The following DNAH2 variants were observed in gnomAD, a reference collection of about 807,000 sequenced individuals.
The protein encoded by DNAH2 is dynein axonemal heavy chain 2.
Under a neutral mutation model 523.5 loss-of-function variants are expected in DNAH2, and 323 were observed. The observed-to-expected ratio is 0.62, with a 90% CI of 0.56 to 0.68. DNAH2 has a LOEUF of 0.68. Ranked by LOEUF, DNAH2 falls within the 30% of genes least tolerant of loss-of-function variation. The pLI is 0.00. For missense variants in DNAH2, 4,907 were observed against 5,701.5 expected (o/e 0.86, Z 4.49); for synonymous variants, 2,093 against 2,177.4 (o/e 0.96, Z 1.08).
chr17:7,778,292 A>T lies in DNAH2; in HGVS notation c.5364A>T (p.Thr1788=). The change falls in exon 35 of 86, where the codon ACA becomes ACT. Residue 1788 remains threonine (T), a synonymous_variant. Coordinates refer to ENST00000572933, the MANE Select transcript of DNAH2 (RefSeq NM_020877.5). The part of the protein sequence containing the change: ...ITPLTDRCYM[T]LTTALHLHRG... ...CCTCAATTCTCAGGTGTTACATGAC[A>T]CTGACCACGGCATTGCACCTGCACC... The T allele has an allele frequency of 6.2e-7, 1 of 1,614,146 alleles. No individual in the cohort carries two copies. Among genetic ancestry groups the T allele is most frequent in the Non-Finnish European group, 8.5e-7 (1 of 1,180,012 alleles).
Position 7,771,457 on chromosome 17 carries a change from C to T in DNAH2, c.4490C>T (p.Thr1497Ile). 1 of 1,613,938 alleles carries T rather than the reference C, an allele frequency of 6.2e-7. No individual in the cohort carries two copies. Among genetic ancestry groups the T allele is most frequent in the Non-Finnish European group, 8.5e-7 (1 of 1,179,874 alleles). The change falls in exon 28 of 86, where the codon ACC (threonine) becomes ATC (isoleucine). Residue 1497 changes from threonine (T) to isoleucine (I), a missense_variant. Physicochemically the swap from Thr to Ile is moderately conservative, Grantham distance 89 (BLOSUM62 -1). Around this residue, in one of 3 missense-constraint regions of DNAH2, gnomAD observed 2,806 missense variants for 3,190.8 expected, o/e 0.88. Coordinates refer to ENST00000572933, the MANE Select transcript of DNAH2 (RefSeq NM_020877.5). The part of the protein sequence containing the change: ...MNKDNNALRS[T>I]HHPGLLDTLI... Reference sequence around the variant, plus strand: ...AAGGACAACAATGCTCTCCGGAGCACCCATCACCCAGGTCAGAGCTCCAGG... The same window carrying T: ...AAGGACAACAATGCTCTCCGGAGCATCCATCACCCAGGTCAGAGCTCCAGG...
chr17:7,830,446 G>C lies in DNAH2; in HGVS notation c.12000G>C (p.Gln4000His). 6.2e-7 allele frequency: 1 copy of C among 1,614,214 alleles called. No individual in the cohort carries two copies. Among genetic ancestry groups the C allele is most frequent in the Non-Finnish European group, 8.5e-7 (1 of 1,180,050 alleles). The change falls in exon 78 of 86, where the codon CAG (glutamine) becomes CAC (histidine). Residue 4000 changes from glutamine (Q) to histidine (H), a missense_variant. Physicochemically the swap from Gln to His is conservative, Grantham distance 24. Transcript: ENST00000572933. ...SVLLERKKFL[Q>H]LGWNIIYGFN... ...TACTTGAACGCAAAAAGTTCCTGCA[G>C]CTTGGCTGGAACATCATCTATGGCT...
chr17:7,754,966 G>GAA lies in DNAH2; in HGVS notation c.1905-2111_1905-2110dup, dbSNP rs796439698. 892 of 275,296 alleles carry GAA rather than the reference G, an allele frequency of 3.2e-3. No homozygotes were observed. The highest frequency in any genetic ancestry group is 3.7e-3 in the Non-Finnish European group (578 of 154,808). The allele number at this position is 275,296 out of a possible 1,614,324, so 17.1% of individuals were successfully genotyped here. On this transcript the variant is annotated intron_variant, in intron 12 of 85. Coordinates refer to ENST00000572933, the MANE Select transcript of DNAH2 (RefSeq NM_020877.5). This position sits in a 1 kb window ranked among gnomAD's most constrained non-coding sequence, Gnocchi z 4.6. ...TATTGGTACAAATAAGCCTGAGGCA[G>GAA]AAAAAAAAAAAAAAAGAATAGGCAG...
chr17:7,750,756 A>G (rs1172014707), intron 12 of DNAH2, among the ~76,000 whole-genome samples: 2 of 152,130 alleles, frequency 1.3e-5, no homozygotes, highest in Non-Finnish European at 2.9e-5. Flanking sequence ...GTTAGTGGAG[A>G]TCTTCAGGGT....
chr17:7,780,370 A>G lies in DNAH2; in HGVS notation c.5850+86A>G, dbSNP rs751258387. 6.2e-5 allele frequency: 98 copies of G among 1,583,818 alleles called. No individual in the cohort carries two copies. The highest frequency in any genetic ancestry group is 8.1e-5 in the Non-Finnish European group (94 of 1,160,896). ...CAGAGGAGCTCCCCAAGGGCCTCAC[A>G]ATCAGCTTATCCTCTAAGGAACTTA... is the stretch of plus-strand genomic sequence containing the variant. On this transcript the variant is annotated intron_variant, in intron 37 of 85. Transcript: ENST00000572933. The surrounding 1 kb of genome is among the most constrained non-coding windows in gnomAD (Gnocchi z 4.4).
rs775779744 is a variant in DNAH2, at chr17:7,786,225, C to T, written c.6231C>T (p.Arg2077=). ...VFQLYETKNS[R]HSTMIVGCTG... ...AGTTGTATGAAACCAAGAACTCCCG[C>T]CACTCCACCATGATCGTGGGCTGCA... Residue 2077 remains arginine (R), a synonymous_variant, in exon 40 of 86, where the codon CGC becomes CGT. Transcript: ENST00000572933. The surrounding 1 kb of genome is among the most constrained non-coding windows in gnomAD (Gnocchi z 7.5). 11 of 1,614,146 alleles carry T rather than the reference C, an allele frequency of 6.8e-6. No individual in the cohort carries two copies. Among genetic ancestry groups the T allele is most frequent in the Non-Finnish European group, 8.5e-6 (10 of 1,180,030 alleles).
In DNAH2 at chr17:7,759,100, G is replaced by A. The variant is rs776266277; in HGVS notation, c.2424G>A (p.Glu808=). The change falls in exon 15 of 86, where the codon GAG becomes GAA. Residue 808 remains glutamate, a synonymous_variant. Coordinates refer to ENST00000572933, the MANE Select transcript of DNAH2 (RefSeq NM_020877.5). ...TGACCATCATGACCAACTCCTATGAGGTCTTCAAGAATGATGGTCCTGAGG... is the reference window on the plus strand; with the variant it reads ...TGACCATCATGACCAACTCCTATGAAGTCTTCAAGAATGATGGTCCTGAGG... ...DVVTIMTNSY[E]VFKNDGPEIQ... is the part of the protein sequence containing the mutation. 1.9e-5 allele frequency: 30 copies of A among 1,614,004 alleles called. No individual in the cohort carries two copies. The highest frequency in any genetic ancestry group is 2.5e-5 in the Non-Finnish European group (30 of 1,180,038).
chr17:7,833,294 C>A, intron 85 of DNAH2, 73 bp downstream of exon 85: 1 of 1,607,220 alleles, frequency 6.2e-7, no homozygotes, highest in Non-Finnish European at 8.5e-7. Flanking sequence ...TCTGCTCCAG[C>A]CCATCCCACA....
At chr17:7,755,160 GA>G (rs1207247038) in intron 12 of DNAH2, among the ~76,000 whole-genome samples, 1 of 152,232 alleles carries the variant, frequency 6.6e-6, no homozygotes, top group Non-Finnish European at 1.5e-5. Context: ...GCTTTCTGCA[GA>G]GAGGGCAACA....
In DNAH2 at chr17:7,824,527, C is replaced by T. The variant is rs762792846; in HGVS notation, c.11663-10C>T. ...AAATGATTCCCACTGACCCTGGCATCTCCTTGCAGGACACTGGGTGTTCCT... is the reference window on the plus strand; with the variant it reads ...AAATGATTCCCACTGACCCTGGCATTTCCTTGCAGGACACTGGGTGTTCCT... On this transcript the variant is annotated splice_polypyrimidine_tract_variant and intron_variant, in intron 76 of 85. Coordinates refer to ENST00000572933, the MANE Select transcript of DNAH2 (RefSeq NM_020877.5). 1.3e-6 allele frequency: 2 copies of T among 1,532,954 alleles called. No homozygotes were observed. Among genetic ancestry groups the T allele is most frequent in the East Asian group, 4.8e-5 (2 of 41,498 alleles). The allele number at this position is 1,532,954 out of a possible 1,614,324, so 95.0% of individuals were successfully genotyped here. A position where few individuals can be genotyped will look rare whatever the true frequency, so the allele number is the denominator to read the frequency against.
At chr17:7,758,755 T>C in intron 14 of DNAH2, 104 bp downstream of exon 14, 1 of 1,557,070 alleles carries the variant, frequency 6.4e-7, no homozygotes. Context: ...GTAAAAAGAA[T>C]TAAGTTTGCT....
intron 61 of DNAH2, 147 bp downstream of exon 61, chr17:7,805,540 A>G (rs2151300656): frequency 8.1e-7 from 1 of 1,229,272 alleles, no homozygotes; most frequent in Admixed American, 2.5e-5. Context: ...AGGAGACCGC[A>G]TGAATATCAG....
intron 63 of DNAH2, among the ~76,000 whole-genome samples, chr17:7,815,313 T>C (rs916672484): frequency 6.6e-6 from 1 of 152,242 alleles, no homozygotes; most frequent in African/African-American, 2.4e-5. Flanking sequence ...ACTTCTACTT[T>C]CTAGTAGTGG....
At position 7,780,115 on chromosome 17, in the gene DNAH2, T is replaced by C. The variant is rs201085180; in HGVS notation, c.5723-42T>C. 449 of 1,580,560 alleles carry C rather than the reference T, an allele frequency of 2.8e-4. 2 individuals carry two copies. In the African/African-American group the frequency reaches 5.4e-3, roughly 19 times the overall value. On this transcript the variant is annotated intron_variant, in intron 36 of 85. Transcript: ENST00000572933. The surrounding 1 kb of genome is among the most constrained non-coding windows in gnomAD (Gnocchi z 4.4). The stretch of plus-strand genomic sequence containing the variant: ...GTGGGTTTGGGGAAGCAAATCAAGA[T>C]GAGGAAATATATGATTCTAAGCAAG...
chr17:7,766,447 A>G lies in DNAH2; in HGVS notation c.3641A>G (p.Gln1214Arg), dbSNP rs1289459442. The stretch of plus-strand genomic sequence containing the variant: ...AACCTGGGCATCTTCAAGATCGAGC[A>G]GCCACCCTCCAAGGACCTTCAGAAC... ...RANLGIFKIE[Q>R]PPSKDLQNLE... Residue 1214 changes from glutamine to arginine, a missense_variant, in exon 22 of 86, where the codon CAG becomes CGG. By Grantham distance (43) the Gln-to-Arg change is conservative. Around this residue, in one of 3 missense-constraint regions of DNAH2, gnomAD observed 2,806 missense variants for 3,190.8 expected, o/e 0.88. Coordinates refer to ENST00000572933, the MANE Select transcript of DNAH2 (RefSeq NM_020877.5). 1 of 1,613,870 alleles carries G rather than the reference A, an allele frequency of 6.2e-7. No homozygotes were observed. Among genetic ancestry groups the G allele is most frequent in the Admixed American group, 1.7e-5 (1 of 59,996 alleles).
intron 18 of DNAH2, among the ~76,000 whole-genome samples, chr17:7,762,488 A>C (rs1312426303): frequency 6.6e-6 from 1 of 151,930 alleles, no homozygotes; most frequent in Non-Finnish European, 1.5e-5. Flanking sequence ...GGTGCCCGCC[A>C]CCACGCCCAG....
intron 28 of DNAH2, among the ~76,000 whole-genome samples, chr17:7,773,854 C>T (rs1387003154): frequency 3.3e-5 from 5 of 152,194 alleles, no homozygotes; most frequent in South Asian, 2.1e-4. Context: ...CTCAGCCTCC[C>T]GAGTAGCTTG....
chr17:7,776,076 T>G lies in DNAH2; in HGVS notation c.4874T>G (p.Leu1625Arg). 1 of 1,614,076 alleles carries G rather than the reference T, an allele frequency of 6.2e-7. No homozygotes were observed. Among genetic ancestry groups the G allele is most frequent in the South Asian group, 1.1e-5 (1 of 91,084 alleles). The change falls in exon 31 of 86, where the codon CTC becomes CGC. Residue 1625 changes from leucine (L) to arginine (R), a missense_variant. By Grantham distance (102) the Leu-to-Arg change is moderately radical (BLOSUM62 -2). Around this residue, in one of 3 missense-constraint regions of DNAH2, gnomAD observed 2,806 missense variants for 3,190.8 expected, o/e 0.88. Transcript: ENST00000572933. ...ATGAGGGTGACCCTGCGGGACCTTC[T>G]CCGGAACTGCCACCTGGCCCTCAGG... is the stretch of plus-strand genomic sequence containing the variant. ...QTMRVTLRDL[L>R]RNCHLALRKF...
At chr17:7,722,714 C>T (rs1022511505) in intron 2 of DNAH2, among the ~76,000 whole-genome samples, 2 of 152,136 alleles carry the variant, frequency 1.3e-5, no homozygotes, top group African/African-American at 2.4e-5. Context: ...TGAACCACAC[C>T]GCCATGCCTT....
Sources: allele counts gnomAD v4.1 joint callset (sites outside exome capture counted in the v4.1 genomes callset), GRCh38; gene constraint gnomAD v4.1.1; regional missense constraint gnomAD v4.1.1; non-coding constraint Gnocchi (gnomAD v3.1); transcripts MANE v1.5; gene names NCBI Gene and HGNC (gene_info 2026-07-23, HGNC 2026-07-21).